The following FBXL7 variants were observed in gnomAD, a reference collection of about 807,000 sequenced individuals.
FBXL7 encodes the protein F-box/LRR-repeat protein 7.
FBXL7 carries 12 observed loss-of-function variants against 38.3 expected under a neutral mutation model. The ratio of observed to expected loss-of-function variants is 0.31; its 90% confidence interval spans 0.20 to 0.51. The LOEUF (loss-of-function observed/expected upper bound fraction) is 0.51. Ranked by LOEUF, FBXL7 falls within the 20% of genes least tolerant of loss-of-function variation. The pLI is 0.98. For missense variants in FBXL7, 567 were observed against 676.4 expected (o/e 0.84, Z 1.79); for synonymous variants, 297 against 300.9 (o/e 0.99, Z 0.13).
chr5:15,786,500 T>C (rs1737136459), intron 2 of FBXL7, among the ~76,000 whole-genome samples: 1 of 152,200 alleles, frequency 6.6e-6, no homozygotes, highest in Non-Finnish European at 1.5e-5. Flanking sequence ...CAAAACCCTG[T>C]CAGTCCTTGA....
chr5:15,726,691 A>AAAAAAAAT (rs1554017317), intron 2 of FBXL7, among the ~76,000 whole-genome samples: 14 of 141,386 alleles, frequency 9.9e-5, no homozygotes, highest in Non-Finnish European at 1.7e-4. Context: ...ACTCCATCTC[A>AAAAAAAAT]AAATAAATAA....
intron 2 of FBXL7, among the ~76,000 whole-genome samples, chr5:15,746,327 G>A (rs1268592333): frequency 2.6e-5 from 4 of 152,196 alleles, no homozygotes; most frequent in Non-Finnish European, 5.9e-5. Flanking sequence ...CAAAGGGGAT[G>A]TTGAAGCTGG....
chr5:15,902,821 T>A (rs909629844), intron 2 of FBXL7, among the ~76,000 whole-genome samples: 2 of 152,242 alleles, frequency 1.3e-5, no homozygotes, highest in Non-Finnish European at 2.9e-5. Context: ...GGATTCAGTA[T>A]TTTCACTTCT....
At chr5:15,799,656 C>T (rs1737509396) in intron 2 of FBXL7, among the ~76,000 whole-genome samples, 1 of 152,134 alleles carries the variant, frequency 6.6e-6, no homozygotes, top group African/African-American at 2.4e-5. Context: ...GCCACCACGC[C>T]CTGCCAAACC....
At chr5:15,541,417 T>TAC (rs1296452980) in intron 1 of FBXL7, among the ~76,000 whole-genome samples, 20 of 131,700 alleles carry the variant, frequency 1.5e-4, no homozygotes, top group African/African-American at 5.7e-4. Context: ...TGTATATATA[T>TAC]ACATATAGTA....
chr5:15,679,565 T>G (rs1036609902), intron 2 of FBXL7, among the ~76,000 whole-genome samples: 5 of 151,956 alleles, frequency 3.3e-5, no homozygotes, highest in African/African-American at 1.2e-4. Flanking sequence ...ATTGTTTTTT[T>G]TTTTTTTTTT....
chr5:15,701,710 A>G (rs2126633336), intron 2 of FBXL7, among the ~76,000 whole-genome samples: 2 of 152,374 alleles, frequency 1.3e-5, no homozygotes, highest in Middle Eastern at 6.8e-3. Flanking sequence ...TGCATGAAGA[A>G]GAACATAACA....
At chr5:15,852,647 C>T (rs531492519) in intron 2 of FBXL7, among the ~76,000 whole-genome samples, 37 of 151,864 alleles carry the variant, frequency 2.4e-4, no homozygotes, top group African/African-American at 8.5e-4. Context: ...ACCACATTTA[C>T]AGTCAAGGGT....
intron 2 of FBXL7, among the ~76,000 whole-genome samples, chr5:15,655,729 A>G (rs1357857713): frequency 6.6e-6 from 1 of 152,206 alleles, no homozygotes; most frequent in Non-Finnish European, 1.5e-5. Context: ...AGAAACACTT[A>G]GATTCTTAGA....
chr5:15,748,252 A>G (rs1736064836), intron 2 of FBXL7, among the ~76,000 whole-genome samples: 1 of 152,238 alleles, frequency 6.6e-6, no homozygotes, highest in Non-Finnish European at 1.5e-5. Context: ...CTGGCCCCAG[A>G]TGCCAAAAGT....
Sources: gnomAD v4.1 joint callset for allele counts (sites outside exome capture counted in the v4.1 genomes callset) on GRCh38, gnomAD v4.1.1 for gene constraint, MANE v1.5 for transcripts, NCBI Gene and HGNC (gene_info 2026-07-23, HGNC 2026-07-21) for gene names.